Variants in KIRREL3 observed in about 807,000 individuals in gnomAD.
The protein encoded by KIRREL3 is kin of IRRE-like protein 3.
A neutral mutation model predicts 89.7 loss-of-function variants in KIRREL3; 36 were observed. That is an observed-to-expected ratio of 0.40 (90% CI 0.31 to 0.53). The LOEUF (loss-of-function observed/expected upper bound fraction) is 0.53, where lower values mean the gene tolerates loss of function less well. Among genes scored for constraint, KIRREL3 ranks in the 20% least tolerant of loss-of-function variants. The pLI, the probability that KIRREL3 is intolerant of heterozygous loss-of-function variation, is 0.49. For synonymous variants in KIRREL3, 445 were observed against 441.4 expected (o/e 1.01, Z -0.10); for missense variants, 864 against 1,056.6 (o/e 0.82, Z 2.53).
intron 1 of KIRREL3, among the ~76,000 whole-genome samples, chr11:126,889,695 C>A (rs1314693451): frequency 6.6e-6 from 1 of 152,232 alleles, no homozygotes; most frequent in Non-Finnish European, 1.5e-5. Flanking sequence ...CACATTGAGA[C>A]GACAGCTTCT....
rs1424512107 is a variant in KIRREL3 at position 126,429,051 on chromosome 11, G to A, written c.1806+128C>T. The A allele has an allele frequency of 6.3e-6, 4 of 634,318 alleles. No individual in the cohort carries two copies. Among genetic ancestry groups the A allele is most frequent in the Admixed American group, 5.1e-5 (2 of 39,352 alleles). 39.3% of individuals were successfully genotyped at this position (634,318 alleles called of 1,614,324 possible). A position where few individuals can be genotyped will look rare whatever the true frequency, so the allele number is the denominator to read the frequency against. The stretch of plus-strand genomic sequence containing the variant: ...AGAGTGTGTGCCTCACCTATTGTGG[G>A]GTGGGCAGGGGGCATCTTGAACGCT... On this transcript the variant is annotated intron_variant, in intron 15 of 16. Coordinates refer to ENST00000525144, the MANE Select transcript of KIRREL3 (RefSeq NM_032531.4). The surrounding 1 kb of genome is among the most constrained non-coding windows in gnomAD (Gnocchi z 5.2).
chr11:126,845,991 C>A (rs560534947), intron 1 of KIRREL3, among the ~76,000 whole-genome samples: 24 of 152,216 alleles, frequency 1.6e-4, no homozygotes, highest in Non-Finnish European at 2.9e-4. Context: ...CCTCATGGAA[C>A]CTCAGGAATT....
intron 1 of KIRREL3, among the ~76,000 whole-genome samples, chr11:126,781,088 T>A (rs1950312728): frequency 6.6e-6 from 1 of 152,154 alleles, no homozygotes; most frequent in African/African-American, 2.4e-5. Flanking sequence ...AGGGTGGGTG[T>A]GGACGTGCAT....
chr11:126,953,227 A>G lies in KIRREL3; in HGVS notation c.55+47228T>C, dbSNP rs1288328349. Among the ~76,000 whole-genome samples the G allele has an allele frequency of 6.6e-6, 1 of 152,112 alleles. No homozygotes were observed. Among genetic ancestry groups the G allele is most frequent in the African/African-American group, 2.4e-5 (1 of 41,416 alleles). On this transcript the variant is annotated intron_variant, in intron 1 of 16. Transcript: ENST00000525144. The surrounding 1 kb of genome is among the most constrained non-coding windows in gnomAD (Gnocchi z 5.2). ...AAACCATCATTCTCAGCAAACTAACACAGGAACAGAAAACCAAATATCACA... is the reference window on the plus strand; with the variant it reads ...AAACCATCATTCTCAGCAAACTAACGCAGGAACAGAAAACCAAATATCACA...
intron 1 of KIRREL3, among the ~76,000 whole-genome samples, chr11:126,856,208 G>A (rs1944501023): frequency 6.6e-6 from 1 of 152,124 alleles, no homozygotes; most frequent in African/African-American, 2.4e-5. Flanking sequence ...TTAAGCCACA[G>A]TATCCACCAA....
In KIRREL3 at chr11:126,752,647, C is replaced by T. The variant is rs924512021; in HGVS notation, c.56-189735G>A. On this transcript the variant is annotated intron_variant, in intron 1 of 16. Coordinates refer to ENST00000525144, the MANE Select transcript of KIRREL3 (RefSeq NM_032531.4). This position sits in a 1 kb window ranked among gnomAD's most constrained non-coding sequence, Gnocchi z 4.8. ...ACTACTATTCCCCCCCCACCCACTG[C>T]CTCCCAAGATTCACATGTGAAAGAA... Among the ~76,000 whole-genome samples the T allele has an allele frequency of 3.3e-5, 5 of 152,102 alleles. No individual in the cohort carries two copies. Among genetic ancestry groups the T allele is most frequent in the Admixed American group, 6.5e-5 (1 of 15,274 alleles).
intron 1 of KIRREL3, among the ~76,000 whole-genome samples, chr11:126,774,388 G>A (rs1565720710): frequency 6.6e-6 from 1 of 152,184 alleles, no homozygotes; most frequent in Admixed American, 6.5e-5. Flanking sequence ...CCCCGTGGCA[G>A]GAGAGTGGGG....
intron 5 of KIRREL3, among the ~76,000 whole-genome samples, chr11:126,470,079 A>AG (rs2134273632): frequency 1.3e-5 from 2 of 152,318 alleles, no homozygotes; most frequent in South Asian, 4.1e-4. Context: ...AGGCTCTCCG[A>AG]GGGGCCTTCA....
At position 126,724,114 on chromosome 11, in the gene KIRREL3, GC is replaced by G. The variant is rs1269883716; in HGVS notation, c.56-161203del. ...CAAGTCTCCTTCTGGAGATAGAGATGCAGATCACCACCTACCCCAACTGTTC... is the reference window on the plus strand; with the variant it reads ...CAAGTCTCCTTCTGGAGATAGAGATGAGATCACCACCTACCCCAACTGTTC... On this transcript the variant is annotated intron_variant, in intron 1 of 16. Coordinates refer to ENST00000525144, the MANE Select transcript of KIRREL3 (RefSeq NM_032531.4). The surrounding 1 kb of genome is among the most constrained non-coding windows in gnomAD (Gnocchi z 4.3). 1.3e-5 allele frequency among the ~76,000 whole-genome samples: 2 copies of G among 152,196 alleles called. No homozygotes were observed. Among genetic ancestry groups the G allele is most frequent in the African/African-American group, 2.4e-5 (1 of 41,446 alleles).
At chr11:126,665,658 A>G (rs1230017916) in intron 1 of KIRREL3, among the ~76,000 whole-genome samples, 1 of 152,206 alleles carries the variant, frequency 6.6e-6, no homozygotes, top group African/African-American at 2.4e-5. Flanking sequence ...CAGCACCTTG[A>G]TCTTGGACTT....
intron 1 of KIRREL3, among the ~76,000 whole-genome samples, chr11:126,585,628 CG>C (rs1941801245): frequency 6.6e-6 from 1 of 152,196 alleles, no homozygotes; most frequent in South Asian, 2.1e-4. Context: ...AGCAGCGGAC[CG>C]GATAGGAAAA....
At chr11:126,457,288 TGTGTGTATGC>T (rs1956391228) in intron 6 of KIRREL3, among the ~76,000 whole-genome samples, 1 of 151,544 alleles carries the variant, frequency 6.6e-6, no homozygotes, top group Non-Finnish European at 1.5e-5. Context: ...CATATGTGTA[TGTGTGTATGC>T]GTGTGTATGT....
chr11:126,921,856 T>G (rs1313960318), intron 1 of KIRREL3, among the ~76,000 whole-genome samples: 2 of 141,456 alleles, frequency 1.4e-5, no homozygotes, highest in African/African-American at 5.3e-5. Context: ...ATCATCTATC[T>G]TTCTGTCATC....
chr11:126,931,212 A>G lies in KIRREL3; in HGVS notation c.55+69243T>C, dbSNP rs1947935578. ...TGAGGGAAAGTCCTGTTTCTTGGAC[A>G]CTGTTGTTTCTTGGACACTGTTGTT... On this transcript the variant is annotated intron_variant, in intron 1 of 16. Coordinates refer to ENST00000525144, the MANE Select transcript of KIRREL3 (RefSeq NM_032531.4). This position sits in a 1 kb window ranked among gnomAD's most constrained non-coding sequence, Gnocchi z 5.1. Among the ~76,000 whole-genome samples, 1 of 151,876 alleles carries G rather than the reference A, an allele frequency of 6.6e-6. No individual in the cohort carries two copies.
At chr11:126,884,659 C>A (rs1027949987) in intron 1 of KIRREL3, among the ~76,000 whole-genome samples, 1 of 152,056 alleles carries the variant, frequency 6.6e-6, no homozygotes, top group African/African-American at 2.4e-5. Flanking sequence ...AAGCAAGGAT[C>A]GTGACCCAGG....
At chr11:126,510,912 C>T (rs777609493) in intron 4 of KIRREL3, among the ~76,000 whole-genome samples, 12 of 152,322 alleles carry the variant, frequency 7.9e-5, no homozygotes, top group Middle Eastern at 3.4e-3. Context: ...ACTCCCATCT[C>T]CCATGGCCTG....
rs1950022851 is a variant in KIRREL3 at position 126,771,570 on chromosome 11, AC to A, written c.56-208659del. Among the ~76,000 whole-genome samples, 1 of 152,132 alleles carries A rather than the reference AC, an allele frequency of 6.6e-6. No homozygotes were observed. Among genetic ancestry groups the A allele is most frequent in the African/African-American group, 2.4e-5 (1 of 41,424 alleles). On this transcript the variant is annotated intron_variant, in intron 1 of 16. Transcript: ENST00000525144. This position sits in a 1 kb window ranked among gnomAD's most constrained non-coding sequence, Gnocchi z 4.4. ...AAAACCTGCAATTACTTTTGCACCA[AC>A]CGAAATAGTTTTACCAGGGCAGGGA... is the stretch of plus-strand genomic sequence containing the variant.
chr11:126,531,124 G>A lies in KIRREL3; in HGVS notation c.134-4437C>T, dbSNP rs1303598980. 6.6e-6 allele frequency among the ~76,000 whole-genome samples: 1 copy of A among 152,036 alleles called. No homozygotes were observed. Among genetic ancestry groups the A allele is most frequent in the African/African-American group, 2.4e-5 (1 of 41,404 alleles). The stretch of plus-strand genomic sequence containing the variant: ...ATTACGAGCGTGAGCCACCATGCCC[G>A]GCCCCATGCTTTGTTTTGAGTCTGT... On this transcript the variant is annotated intron_variant, in intron 2 of 16. Transcript: ENST00000525144. The surrounding 1 kb of genome is among the most constrained non-coding windows in gnomAD (Gnocchi z 4.7).
At chr11:126,481,178 G>C (rs1335515199) in intron 4 of KIRREL3, among the ~76,000 whole-genome samples, 1 of 152,176 alleles carries the variant, frequency 6.6e-6, no homozygotes, top group Non-Finnish European at 1.5e-5. Context: ...ATAAGTACTA[G>C]AAGGAAAGTA....
Sources: gnomAD v4.1 joint callset for allele counts (sites outside exome capture counted in the v4.1 genomes callset) on GRCh38, gnomAD v4.1.1 for gene constraint, Gnocchi (gnomAD v3.1) non-coding constraint, MANE v1.5 for transcripts, NCBI Gene and HGNC (gene_info 2026-07-23, HGNC 2026-07-21) for gene names.